The following DCC variants were observed in gnomAD, a reference collection of about 807,000 sequenced individuals.
DCC encodes netrin receptor DCC.
A neutral mutation model predicts 172.5 loss-of-function variants in DCC; 58 were observed. The ratio of observed to expected loss-of-function variants is 0.34; its 90% CI spans 0.27 to 0.42. DCC has a LOEUF of 0.42. DCC is among the 10% of genes least tolerant of loss of function. The pLI is 1.00. For synonymous variants in DCC, 709 were observed against 644.5 expected, an observed-to-expected ratio of 1.10 and a Z score of -1.52; for missense variants, 1,740 against 1,791.0, an observed-to-expected ratio of 0.97 and a Z score of 0.51.
Position 52,340,256 on chromosome 18 carries a change from C to G in DCC, c.-532C>G, listed in dbSNP as rs187371026. On this transcript the variant is annotated 5_prime_UTR_variant, in exon 1 of 29. Coordinates refer to ENST00000442544, the MANE Select transcript of DCC (RefSeq NM_005215.4). ...GAGCGCTCCACCCCGCAGTCCCCCC[C>G]GCCTCTCCTCCCTGGGTCCCCTCGG... is the stretch of plus-strand genomic sequence containing the variant. The G allele has an allele frequency of 5.3e-4, 103 of 195,776 alleles. 1 individual carries two copies. Among genetic ancestry groups the G allele is most frequent in the Non-Finnish European group, 9.3e-4 (87 of 93,462 alleles). 12.1% of individuals were successfully genotyped at this position (195,776 alleles called of 1,614,324 possible). A position where few individuals can be genotyped will look rare whatever the true frequency, so the allele number is the denominator to read the frequency against.
At chr18:53,081,024 A>G (rs1402184018) in intron 7 of DCC, among the ~76,000 whole-genome samples, 2 of 151,886 alleles carry the variant, frequency 1.3e-5, no homozygotes, top group Non-Finnish European at 2.9e-5. Context: ...CATTAACATA[A>G]GATAACCACT....
chr18:52,457,368 G>A (rs1988490729), intron 1 of DCC, among the ~76,000 whole-genome samples: 1 of 152,136 alleles, frequency 6.6e-6, no homozygotes, highest in Non-Finnish European at 1.5e-5. Flanking sequence ...GGAGTGCACA[G>A]AAAATATCTT....
chr18:52,485,719 A>G (rs1348839856), intron 1 of DCC, among the ~76,000 whole-genome samples: 1 of 152,186 alleles, frequency 6.6e-6, no homozygotes, highest in Non-Finnish European at 1.5e-5. Context: ...TAAGGTGTTA[A>G]CAAATAACTA....
chr18:53,357,297 A>G (rs1367882013), intron 15 of DCC, among the ~76,000 whole-genome samples: 2 of 152,158 alleles, frequency 1.3e-5, no homozygotes, highest in Non-Finnish European at 2.9e-5. Flanking sequence ...TTTTAGAAAT[A>G]GGTCTTTTAT....
chr18:52,502,596 G>A (rs2031068643), intron 1 of DCC, among the ~76,000 whole-genome samples: 3 of 152,180 alleles, frequency 2.0e-5, no homozygotes. Flanking sequence ...CATTACACAG[G>A]AGTAAAGGAT....
intron 2 of DCC, among the ~76,000 whole-genome samples, chr18:52,804,009 G>A (rs2038041293): frequency 6.6e-6 from 1 of 152,172 alleles, no homozygotes; most frequent in South Asian, 2.1e-4. Context: ...GCTGCACCTG[G>A]ACTCGGGCGT....
At chr18:52,854,208 T>C (rs2039017984) in intron 2 of DCC, among the ~76,000 whole-genome samples, 1 of 152,224 alleles carries the variant, frequency 6.6e-6, no homozygotes. Context: ...TTGACTTCTT[T>C]TGATTCTATT....
In DCC at chr18:52,925,289, G is replaced by T; in HGVS notation, c.904G>T (p.Asp302Tyr). 6.2e-7 allele frequency: 1 copy of T among 1,612,204 alleles called. No individual in the cohort carries two copies. Among genetic ancestry groups the T allele is most frequent in the Non-Finnish European group, 8.5e-7 (1 of 1,178,482 alleles). The stretch of plus-strand genomic sequence containing the variant: ...CAACTTGCTTATCTCCAATGTGACA[G>T]ATGATGACAGTGGAATGTATACCTG... ...GSNLLISNVT[D>Y]DDSGMYTCVV... Residue 302 changes from aspartate (D) to tyrosine (Y), a missense_variant, in exon 5 of 29, where the codon GAT becomes TAT. Asp to Tyr is a radical substitution (Grantham distance 160). Around this residue, in one of 2 missense-constraint regions of DCC, gnomAD observed 1,732 missense variants for 1,767.4 expected, o/e 0.98. Transcript: ENST00000442544.
intron 2 of DCC, among the ~76,000 whole-genome samples, chr18:52,870,431 T>C (rs2039301000): frequency 6.6e-6 from 1 of 152,180 alleles, no homozygotes; most frequent in South Asian, 2.1e-4. Context: ...CACTGCCATC[T>C]ACAGCCCTTC....
chr18:52,408,825 T>C (rs1265616728), intron 1 of DCC, among the ~76,000 whole-genome samples: 1 of 152,124 alleles, frequency 6.6e-6, no homozygotes, highest in African/African-American at 2.4e-5. Context: ...GTAAACTATC[T>C]GTAAGGAATC....
At chr18:52,858,903 T>G (rs1327649044) in intron 2 of DCC, among the ~76,000 whole-genome samples, 1 of 152,202 alleles carries the variant, frequency 6.6e-6, no homozygotes, top group East Asian at 1.9e-4. Context: ...GGACTTTCCA[T>G]GATTAAAGTT....
At chr18:53,055,011 C>T (rs1030684124) in intron 5 of DCC, among the ~76,000 whole-genome samples, 3 of 152,000 alleles carry the variant, frequency 2.0e-5, no homozygotes, top group African/African-American at 4.8e-5. Context: ...TGTTGTTCCC[C>T]GCTTAGATTT....
intron 2 of DCC, among the ~76,000 whole-genome samples, chr18:52,825,189 A>G (rs2038488511): frequency 6.6e-6 from 1 of 152,186 alleles, no homozygotes. Context: ...AAGAGAATGG[A>G]TGCTAACCAT....
intron 12 of DCC, among the ~76,000 whole-genome samples, chr18:53,304,329 C>T (rs2057174876): frequency 6.6e-6 from 1 of 152,016 alleles, no homozygotes; most frequent in South Asian, 2.1e-4. Context: ...CAGTAGGAGC[C>T]TCATTGTTGG....
At chr18:52,728,045 C>T (rs560831615) in intron 1 of DCC, among the ~76,000 whole-genome samples, 1 of 151,976 alleles carries the variant, frequency 6.6e-6, no homozygotes, top group Non-Finnish European at 1.5e-5. Flanking sequence ...TTTTCCAATT[C>T]TTGGTCAGTG....
Position 53,486,916 on chromosome 18 carries a change from A to G in DCC, c.3856A>G (p.Thr1286Ala). The G allele has an allele frequency of 1.9e-6, 3 of 1,614,124 alleles. No homozygotes were observed. Among genetic ancestry groups the G allele is most frequent in the East Asian group, 2.2e-5 (1 of 44,878 alleles). The change falls in exon 26 of 29, where the codon ACA becomes GCA. Residue 1286 changes from threonine (T) to alanine (A), a missense_variant. Around this residue, in one of 2 missense-constraint regions of DCC, gnomAD observed 1,732 missense variants for 1,767.4 expected, o/e 0.98. Transcript: ENST00000442544. ...QFTLRPVPFPTLSVDRGFGAG... is the reference protein window; with the variant it reads ...QFTLRPVPFPALSVDRGFGAG... ...CACTCTCCGGCCTGTGCCATTCCCA[A>G]CACTCTCAGTGGACCGAGGTTTCGG...
chr18:52,897,814 C>A (rs2039753140), intron 2 of DCC, among the ~76,000 whole-genome samples: 1 of 152,008 alleles, frequency 6.6e-6, no homozygotes, highest in East Asian at 1.9e-4. Context: ...ACCTGGGAGT[C>A]TGTAATTTTG....
At chr18:52,775,862 T>G (rs2037422201) in intron 2 of DCC, among the ~76,000 whole-genome samples, 1 of 152,220 alleles carries the variant, frequency 6.6e-6, no homozygotes, top group African/African-American at 2.4e-5. Flanking sequence ...CATGCTCACC[T>G]AGGTCCGTGA....
In DCC at chr18:53,450,543, T is replaced by G. The variant is rs755425825; in HGVS notation, c.3273T>G (p.Thr1091=). 4 of 1,614,054 alleles carry G rather than the reference T, an allele frequency of 2.5e-6. No individual in the cohort carries two copies. The Admixed American group carries it at 5.0e-5, about 20-fold the overall frequency. ...GQMHPPHGSV[T]PQKNSNLLVI... is the part of the protein sequence containing the mutation. Reference sequence around the variant, plus strand: ...TGCACCCCCCGCATGGCAGTGTCACTCCTCAGAAGAACAGCAACCTGCTTG... The same window carrying G: ...TGCACCCCCCGCATGGCAGTGTCACGCCTCAGAAGAACAGCAACCTGCTTG... The change falls in exon 23 of 29, where the codon ACT becomes ACG. Residue 1091 remains threonine (T), a synonymous_variant. Coordinates refer to ENST00000442544, the MANE Select transcript of DCC (RefSeq NM_005215.4).
Sources: gnomAD v4.1 joint callset for allele counts (sites outside exome capture counted in the v4.1 genomes callset) on GRCh38, gnomAD v4.1.1 for gene constraint, gnomAD v4.1.1 regional missense constraint, MANE v1.5 for transcripts, NCBI Gene and HGNC (gene_info 2026-07-23, HGNC 2026-07-21) for gene names.